Variants in NRXN1 observed in about 807,000 individuals in gnomAD.
NRXN1 encodes the protein neurexin-1.
NRXN1 carries 39 observed loss-of-function variants against 150.9 expected under a neutral mutation model. The observed-to-expected ratio is 0.26, with a 90% CI of 0.20 to 0.34. The LOEUF is 0.34. NRXN1 is among the 10% of genes least tolerant of loss of function. The probability of loss-of-function intolerance (pLI) is 1.00; values close to 1 mark genes in which losing one functional copy is unlikely to be tolerated. For synonymous variants in NRXN1, 924 were observed against 757.0 expected (o/e 1.22, Z -3.62); for missense variants, 1,815 against 1,949.9 (o/e 0.93, Z 1.30).
chr2:50,888,993 T>C (rs1205027997), intron 5 of NRXN1, among the ~76,000 whole-genome samples: 2 of 151,760 alleles, frequency 1.3e-5, no homozygotes, highest in Admixed American at 1.3e-4. Context: ...GTTTAATTGG[T>C]ATTCTACTTT....
At chr2:50,278,285 A>ATTAT (rs1558437343) in intron 17 of NRXN1, among the ~76,000 whole-genome samples, 1 of 60,716 alleles carries the variant, frequency 1.6e-5, no homozygotes, top group Admixed American at 2.1e-4. Flanking sequence ...TTATATATAT[A>ATTAT]ATACATATAT....
chr2:50,209,590 A>G (rs1342844001), intron 18 of NRXN1, among the ~76,000 whole-genome samples: 1 of 152,128 alleles, frequency 6.6e-6, no homozygotes, highest in East Asian at 1.9e-4. Context: ...TGGCATAGGT[A>G]CTTAAATAAA....
chr2:50,862,083 T>A lies in NRXN1; in HGVS notation c.832+59786A>T, dbSNP rs142908579. Among the ~76,000 whole-genome samples, 419 of 151,544 alleles carry A rather than the reference T, an allele frequency of 2.8e-3. 2 individuals carry two copies. Among genetic ancestry groups the A allele is most frequent in the African/African-American group, 9.8e-3 (404 of 41,302 alleles). On this transcript the variant is annotated intron_variant, in intron 5 of 22. Transcript: ENST00000401669. The stretch of plus-strand genomic sequence containing the variant: ...CAGGAATGGTGGTGGGCGCCTGTAT[T>A]CCCAGCTACATGGGAGGCTGAGGCA...
At chr2:50,465,696 C>A in intron 16 of NRXN1, 135 bp from the exon 17 acceptor site, 1 of 833,798 alleles carries the variant, frequency 1.2e-6, no homozygotes, top group Non-Finnish European at 1.8e-6. Flanking sequence ...TTCTAGTTCA[C>A]ACACCTGAAT....
At chr2:50,896,658 C>T (rs1357607945) in intron 5 of NRXN1, among the ~76,000 whole-genome samples, 2 of 152,062 alleles carry the variant, frequency 1.3e-5, no homozygotes, top group Non-Finnish European at 2.9e-5. Flanking sequence ...ATCAGACTGG[C>T]CAACATGGCG....
intron 5 of NRXN1, among the ~76,000 whole-genome samples, chr2:50,743,212 C>A (rs992158464): frequency 6.6e-6 from 1 of 152,078 alleles, no homozygotes; most frequent in African/African-American, 2.4e-5. Flanking sequence ...GGGTCCCTAC[C>A]TCGTGTCTTT....
intron 2 of NRXN1, among the ~76,000 whole-genome samples, chr2:51,026,026 A>C (rs1670396425): frequency 6.6e-6 from 1 of 151,836 alleles, no homozygotes; most frequent in Admixed American, 6.6e-5. Flanking sequence ...TTCCTAACTA[A>C]CTCTCCTTGC....
intron 17 of NRXN1, among the ~76,000 whole-genome samples, chr2:50,243,008 T>C (rs2066163728): frequency 6.6e-6 from 1 of 151,762 alleles, no homozygotes; most frequent in Non-Finnish European, 1.5e-5. Context: ...GAAAGCTTTA[T>C]GGAAATAGTT....
At chr2:50,809,467 T>A (rs1667933304) in intron 5 of NRXN1, among the ~76,000 whole-genome samples, 1 of 152,254 alleles carries the variant, frequency 6.6e-6, no homozygotes, top group Non-Finnish European at 1.5e-5. Context: ...CATACTTTAT[T>A]CCAGAAATTA....
chr2:50,468,731 T>A (rs556935893), intron 16 of NRXN1, among the ~76,000 whole-genome samples: 2 of 151,588 alleles, frequency 1.3e-5, no homozygotes, highest in East Asian at 3.9e-4. Flanking sequence ...ACTTACTAGG[T>A]GTGGGACTTT....
chr2:50,456,058 AT>A (rs2104570165), intron 17 of NRXN1, among the ~76,000 whole-genome samples: 1 of 152,246 alleles, frequency 6.6e-6, no homozygotes, highest in South Asian at 2.1e-4. Context: ...TCTGCTACAT[AT>A]TCCATCTGCT....
intron 21 of NRXN1, among the ~76,000 whole-genome samples, chr2:49,954,113 A>G (rs1378465191): frequency 1.3e-5 from 2 of 152,106 alleles, no homozygotes; most frequent in African/African-American, 2.4e-5. Flanking sequence ...GGACAACCCA[A>G]TGTCCATTTA....
At chr2:50,996,944 T>C (rs1699391731) in intron 2 of NRXN1, among the ~76,000 whole-genome samples, 1 of 152,030 alleles carries the variant, frequency 6.6e-6, no homozygotes, top group Non-Finnish European at 1.5e-5. Flanking sequence ...GTGGAATCCC[T>C]CTTTGTTATT....
chr2:50,925,926 G>T lies in NRXN1; in HGVS notation c.790+12C>A. On this transcript the variant is annotated intron_variant, in intron 3 of 22. Transcript: ENST00000401669. ...AAATGAGAGTTGGAAAAATAAGGTA[G>T]AAAGCACCCACCTTCCACATTGTTG... 1 of 1,569,418 alleles carries T rather than the reference G, an allele frequency of 6.4e-7. No homozygotes were observed. Among genetic ancestry groups the T allele is most frequent in the South Asian group, 1.2e-5 (1 of 85,294 alleles).
At chr2:50,757,395 C>T (rs923114639) in intron 5 of NRXN1, among the ~76,000 whole-genome samples, 5 of 151,732 alleles carry the variant, frequency 3.3e-5, no homozygotes, top group Non-Finnish European at 7.4e-5. Context: ...GAAGCACTGG[C>T]ATGAGTGAAT....
At chr2:50,715,965 T>G (rs1426782490) in intron 5 of NRXN1, among the ~76,000 whole-genome samples, 1 of 152,158 alleles carries the variant, frequency 6.6e-6, no homozygotes, top group Non-Finnish European at 1.5e-5. Context: ...ACATCTTATC[T>G]CTACCATTAG....
intron 17 of NRXN1, among the ~76,000 whole-genome samples, chr2:50,296,029 A>G (rs1327745662): frequency 6.6e-6 from 1 of 152,230 alleles, no homozygotes; most frequent in Non-Finnish European, 1.5e-5. Flanking sequence ...TACAAAAGCC[A>G]TTACTCCAGA....
intron 21 of NRXN1, among the ~76,000 whole-genome samples, chr2:49,996,416 A>G (rs1683010539): frequency 1.3e-5 from 2 of 152,152 alleles, no homozygotes; most frequent in South Asian, 4.1e-4. Flanking sequence ...GGAAAGGAAG[A>G]TTGGGGATTT....
At chr2:51,016,897 A>T (rs143088356) in intron 2 of NRXN1, among the ~76,000 whole-genome samples, 9 of 152,156 alleles carry the variant, frequency 5.9e-5, no homozygotes, top group African/African-American at 1.7e-4. Flanking sequence ...AATGTGGCAC[A>T]TATATACCAT....
Sources: gnomAD v4.1 joint callset for allele counts (sites outside exome capture counted in the v4.1 genomes callset) on GRCh38, gnomAD v4.1.1 for gene constraint, MANE v1.5 for transcripts, NCBI Gene and HGNC (gene_info 2026-07-23, HGNC 2026-07-21) for gene names.